The following ACTR3C variants were observed in gnomAD, a reference collection of about 807,000 sequenced individuals.
The protein encoded by ACTR3C is actin-related protein 3C.
In ACTR3C, 18 loss-of-function variants were observed where a neutral mutation model predicts 26.3. The ratio of observed to expected loss-of-function variants is 0.68; its 90% CI spans 0.47 to 1.01. The LOEUF (loss-of-function observed/expected upper bound fraction) is 1.01, where lower values mean the gene tolerates loss of function less well. Ranked by LOEUF, ACTR3C falls within the 50% of genes least tolerant of loss-of-function variation. ACTR3C has a pLI of 0.00. For missense variants in ACTR3C, 184 were observed against 250.7 expected (o/e 0.73, Z 1.80); for synonymous variants, 55 against 94.5 (o/e 0.58, Z 2.42).
the ACTR3C span, among the ~76,000 whole-genome samples, chr7:150,229,907 A>G: frequency 1.4e-4 from 22 of 152,028 alleles, 1 homozygote; most frequent in Non-Finnish European, 1.5e-5. Flanking sequence ...GATTTGGTTC[A>G]GTCTTTTTAA....
chr7:149,901,440 C>A, the ACTR3C span, among the ~76,000 whole-genome samples: 1 of 149,012 alleles, frequency 6.7e-6, no homozygotes, highest in African/African-American at 2.5e-5. Flanking sequence ...TAAGATGTAA[C>A]CTTTGGGGGC....
chr7:149,908,269 C>G, the ACTR3C span, among the ~76,000 whole-genome samples: 2 of 152,162 alleles, frequency 1.3e-5, no homozygotes, highest in Non-Finnish European at 2.9e-5. Context: ...TTTCCCCAGT[C>G]TTTAGTATTT....
the ACTR3C span, among the ~76,000 whole-genome samples, chr7:150,155,220 C>T: frequency 6.6e-6 from 1 of 151,774 alleles, no homozygotes; most frequent in Non-Finnish European, 1.5e-5. Context: ...GTGTGTGGAT[C>T]CGGGCTGTGC....
At chr7:150,237,655 C>T in the ACTR3C span, among the ~76,000 whole-genome samples, 143 of 152,268 alleles carry the variant, frequency 9.4e-4, 2 homozygotes, top group East Asian at 0.024. Flanking sequence ...TTGGAATCCA[C>T]GGCAGCATTT....
intron 1 of ACTR3C, among the ~76,000 whole-genome samples, chr7:150,316,504 T>C (rs1382933734): frequency 1.5e-5 from 2 of 132,904 alleles, no homozygotes; most frequent in Non-Finnish European, 3.1e-5. Flanking sequence ...TTTTTTTTTT[T>C]TTGAGGCGGA....
At chr7:150,226,129 G>T in the ACTR3C span, among the ~76,000 whole-genome samples, 1 of 152,170 alleles carries the variant, frequency 6.6e-6, no homozygotes, top group East Asian at 1.9e-4. Context: ...CTAGTTTTTA[G>T]TGGTTGTGAA....
chr7:150,112,631 C>G, the ACTR3C span, among the ~76,000 whole-genome samples: 1 of 152,166 alleles, frequency 6.6e-6, no homozygotes, highest in Non-Finnish European at 1.5e-5. Flanking sequence ...TCACCCTTGA[C>G]GCCCTCCCTC....
chr7:149,969,328 T>A, the ACTR3C span, among the ~76,000 whole-genome samples: 1 of 98,978 alleles, frequency 1.0e-5, no homozygotes, highest in African/African-American at 3.4e-5. Context: ...TGTGTGTGTG[T>A]GTGATGCTGC....
At chr7:150,242,215 CAA>C (rs138460541), downstream of ACTR3C, among the ~76,000 whole-genome samples, 9 of 130,048 alleles carry the variant, frequency 6.9e-5, no homozygotes, top group Non-Finnish European at 3.4e-5. Context: ...GAACTTGTCT[CAA>C]AAAAAAAAAA....
the ACTR3C span, among the ~76,000 whole-genome samples, chr7:150,152,465 C>G: frequency 1.3e-5 from 2 of 152,248 alleles, no homozygotes; most frequent in East Asian, 3.9e-4. Flanking sequence ...TATATTGAAC[C>G]AGCCTTGCAT....
the ACTR3C span, among the ~76,000 whole-genome samples, chr7:150,098,074 C>T: frequency 0.11 from 16,236 of 151,340 alleles, 1,116 homozygotes; most frequent in South Asian, 0.16. Context: ...TCTAGATCCA[C>T]CCATATTCCA....
intron 1 of ACTR3C, among the ~76,000 whole-genome samples, chr7:150,305,502 C>T (rs145018293): frequency 2.0e-5 from 3 of 152,270 alleles, no homozygotes; most frequent in East Asian, 1.9e-4. Flanking sequence ...CACACTCCCC[C>T]GCTCTCGTCA....
intron 6 of ACTR3C, chr7:150,264,664 A>G (rs1294510021): frequency 1.4e-4 from 131 of 958,428 alleles, no homozygotes; most frequent in Non-Finnish European, 1.6e-4. Context: ...CGAGTCGATT[A>G]AGACACTCAC....
At chr7:150,165,925 G>A in the ACTR3C span, among the ~76,000 whole-genome samples, 1 of 151,736 alleles carries the variant, frequency 6.6e-6, no homozygotes, top group Non-Finnish European at 1.5e-5. Context: ...GGTCATTTTT[G>A]ACTTTCCAAA....
At chr7:150,126,714 CT>C in the ACTR3C span, among the ~76,000 whole-genome samples, 2 of 152,132 alleles carry the variant, frequency 1.3e-5, no homozygotes, top group African/African-American at 4.8e-5. Context: ...TAAAGAAAGG[CT>C]TTTTTAAGAC....
At chr7:150,044,993 G>T in the ACTR3C span, 1 of 151,978 alleles carries the variant, frequency 6.6e-6, no homozygotes. Flanking sequence ...CGAAGTAGCC[G>T]CGCTCCCAGC....
chr7:150,068,307 C>T, the ACTR3C span, among the ~76,000 whole-genome samples: 27 of 152,090 alleles, frequency 1.8e-4, no homozygotes, highest in Non-Finnish European at 3.7e-4. Flanking sequence ...CATCCCATTC[C>T]TTCATTCAGG....
chr7:150,183,696 C>CAAAAAAAAAAAAAAAAAAAAAAAAAAAAA, the ACTR3C span, among the ~76,000 whole-genome samples: 1 of 48,046 alleles, frequency 2.1e-5, no homozygotes, highest in African/African-American at 6.9e-5. Context: ...GTGGCTATGG[C>CAAAAAAAAAAAAAAAAAAAAAAAAAAAAA]AAAAAAAAAA....
At chr7:149,977,493 G>T in the ACTR3C span, among the ~76,000 whole-genome samples, 2,197 of 152,288 alleles carry the variant, frequency 0.014, 48 homozygotes, top group African/African-American at 0.049. Context: ...TTATTAGTTT[G>T]AGTGAATAAA....
Sources: allele counts gnomAD v4.1 joint callset (sites outside exome capture counted in the v4.1 genomes callset), GRCh38; gene constraint gnomAD v4.1.1; transcripts MANE v1.5; gene names NCBI Gene and HGNC (gene_info 2026-07-23, HGNC 2026-07-21).